Variants in OAS1 observed in about 807,000 individuals in gnomAD.
OAS1 encodes the protein 2'-5'-oligoadenylate synthetase 1.
Under a neutral mutation model 38.5 loss-of-function variants are expected in OAS1, and 24 were observed. The observed-to-expected ratio is 0.62, with a 90% CI of 0.45 to 0.88. The LOEUF (loss-of-function observed/expected upper bound fraction) is 0.88. Among genes scored for constraint, OAS1 ranks in the 40% least tolerant of loss-of-function variants. OAS1 has a pLI of 0.00. For missense variants in OAS1, 482 were observed against 493.9 expected (o/e 0.98, Z 0.23); for synonymous variants, 169 against 193.9 (o/e 0.87, Z 1.07).
rs867047761 is a variant in OAS1, at chr12:112,911,144, C to T, written c.563C>T (p.Thr188Ile). 1 of 1,614,098 alleles carries T rather than the reference C, an allele frequency of 6.2e-7. No individual in the cohort carries two copies. The highest frequency in any genetic ancestry group is 1.3e-5 in the African/African-American group (1 of 75,018). ...TDLQKEGEFS[T>I]CFTELQRDFL... ...CTGCAGAAAGAGGGCGAGTTCTCCA[C>T]CTGCTTCACAGAACTACAGAGAGAC... The change falls in exon 3 of 6, where the codon ACC (threonine) becomes ATC (isoleucine). Residue 188 changes from threonine (T) to isoleucine (I), a missense_variant. Transcript: ENST00000202917.
At chr12:112,918,043 T>A (rs2043488443) in intron 5 of OAS1, 13 of 777,416 alleles carry the variant, frequency 1.7e-5, no homozygotes, top group Middle Eastern at 5.0e-4. Flanking sequence ...GAGGCATTTT[T>A]AAAAATTTTT....
chr12:112,907,101 T>C lies in OAS1; in HGVS notation c.62T>C (p.Leu21Ser), dbSNP rs1437427169. 1.2e-6 allele frequency: 2 copies of C among 1,614,216 alleles called. No individual in the cohort carries two copies. Among genetic ancestry groups the C allele is most frequent in the Admixed American group, 1.7e-5 (1 of 60,022 alleles). ...SLDKFIEDYL[L>S]PDTCFRMQIN... The stretch of plus-strand genomic sequence containing the variant: ...GACAAGTTCATTGAAGACTATCTCT[T>C]GCCAGACACGTGTTTCCGCATGCAA... The change falls in exon 1 of 6, where the codon TTG becomes TCG. Residue 21 changes from leucine to serine, a missense_variant. Coordinates refer to ENST00000202917, the MANE Select transcript of OAS1 (RefSeq NM_016816.4).
At chr12:112,918,431 G>T in intron 5 of OAS1, 1 of 305,684 alleles carries the variant, frequency 3.3e-6, no homozygotes, top group Non-Finnish European at 6.6e-6. Context: ...TTGCTATTGT[G>T]AATCGTACTG....
chr12:112,919,981 T>A (rs2043519231), downstream of OAS1: 2 of 339,386 alleles, frequency 5.9e-6, no homozygotes, highest in East Asian at 1.1e-4. Context: ...TGTGTGTATA[T>A]ACATTGATTC....
chr12:112,909,449 A>G (rs946995744), intron 2 of OAS1, among the ~76,000 whole-genome samples: 4 of 152,330 alleles, frequency 2.6e-5, no homozygotes, highest in Middle Eastern at 3.4e-3. Flanking sequence ...GCTTGAGCCC[A>G]GGAGTTCAAG....
chr12:112,913,647 G>C (rs1039517613), intron 3 of OAS1, among the ~76,000 whole-genome samples: 4 of 152,112 alleles, frequency 2.6e-5, no homozygotes, highest in African/African-American at 9.6e-5. Context: ...ATTAATTACA[G>C]TTGCCATTTT....
At chr12:112,909,439 G>A (rs1260304234) in intron 2 of OAS1, among the ~76,000 whole-genome samples, 6 of 152,218 alleles carry the variant, frequency 3.9e-5, no homozygotes, top group Middle Eastern at 3.4e-3. Flanking sequence ...CAGGAGGGTC[G>A]CTTGAGCCCA....
chr12:112,922,207 A>ATGGTGT (rs1202488255), downstream of OAS1, among the ~76,000 whole-genome samples: 2 of 152,092 alleles, frequency 1.3e-5, no homozygotes, highest in African/African-American at 4.8e-5. Context: ...TATATATGCT[A>ATGGTGT]TGGTGTCACA....
chr12:112,916,580 AG>A lies in OAS1; in HGVS notation c.729del (p.Ser244AlafsTer2). 6.2e-7 allele frequency: 1 copy of A among 1,614,136 alleles called. No homozygotes were observed. Among genetic ancestry groups the A allele is most frequent in the East Asian group, 2.2e-5 (1 of 44,884 alleles). On this transcript the variant is annotated frameshift_variant, in exon 4 of 6. Coordinates refer to ENST00000202917, the MANE Select transcript of OAS1 (RefSeq NM_016816.4). LOFTEE classifies it high-confidence loss of function. ...ELLTVYAWER[G>X]SMKTHFNTAQ... is the part of the protein sequence containing the mutation. ...TCCTGACGGTCTATGCTTGGGAGCG[AG>A]GGAGCATGAAAACACATTTCAACAC...
At chr12:112,912,041 G>A (rs974654668) in intron 3 of OAS1, among the ~76,000 whole-genome samples, 1 of 152,222 alleles carries the variant, frequency 6.6e-6, no homozygotes, top group African/African-American at 2.4e-5. Context: ...AGTAGCAGAA[G>A]TAAAATTTGA....
intron 2 of OAS1, among the ~76,000 whole-genome samples, chr12:112,910,789 G>A (rs1346015205): frequency 6.6e-6 from 1 of 152,132 alleles, no homozygotes; most frequent in Admixed American, 6.5e-5. Context: ...CATTCTCTAG[G>A]TGCCAGGTTG....
At chr12:112,920,666 A>G (rs2043523359), downstream of OAS1, among the ~76,000 whole-genome samples, 1 of 152,226 alleles carries the variant, frequency 6.6e-6, no homozygotes, top group African/African-American at 2.4e-5. Flanking sequence ...CCAAGAATCA[A>G]CATATCATTC....
chr12:112,907,031 C>T lies in OAS1; in HGVS notation c.-9C>T, dbSNP rs1216331315. The T allele has an allele frequency of 6.2e-7, 1 of 1,614,176 alleles. No homozygotes were observed. Among genetic ancestry groups the T allele is most frequent in the Admixed American group, 1.7e-5 (1 of 60,024 alleles). ...GGAGGCAGTTCTGTTGCCACTCTCT[C>T]TCCTGTCAATGATGGATCTCAGAAA... On this transcript the variant is annotated 5_prime_UTR_variant, in exon 1 of 6. Transcript: ENST00000202917.
intron 3 of OAS1, among the ~76,000 whole-genome samples, chr12:112,913,393 T>G (rs990097147): frequency 9.2e-5 from 14 of 152,330 alleles, no homozygotes; most frequent in Admixed American, 6.5e-4. Flanking sequence ...TGGGTAGATA[T>G]CTTTAATCAG....
chr12:112,924,766 C>A (rs112642400), downstream of OAS1, among the ~76,000 whole-genome samples: 1 of 151,798 alleles, frequency 6.6e-6, no homozygotes, highest in East Asian at 1.9e-4. Context: ...TCTGTGGCCA[C>A]GGGAAATAAT....
At chr12:112,932,200 G>GA, downstream of OAS1, 1 of 332,710 alleles carries the variant, frequency 3.0e-6, no homozygotes, top group Non-Finnish European at 5.4e-6. Flanking sequence ...TAAAATTTAA[G>GA]AAAAAAATAC....
chr12:112,909,559 G>A (rs776551917), intron 2 of OAS1, among the ~76,000 whole-genome samples: 9 of 152,108 alleles, frequency 5.9e-5, no homozygotes, highest in Non-Finnish European at 7.4e-5. Context: ...TATTCAGGAC[G>A]CTGAGACTGA....
Position 112,908,575 on chromosome 12 carries a change from T to G in OAS1, c.220T>G (p.Ser74Ala), listed in dbSNP as rs1189101057. Residue 74 changes from serine (S) to alanine (A), a missense_variant, in exon 2 of 6, where the codon TCT becomes GCT. Coordinates refer to ENST00000202917, the MANE Select transcript of OAS1 (RefSeq NM_016816.4). ...SGKGTTLRGR[S>A]DADLVVFLSP... is the part of the protein sequence containing the mutation. ...CAAGGGCACCACCCTCAGAGGCCGA[T>G]CTGACGCTGACCTGGTTGTCTTCCT... The G allele has an allele frequency of 6.2e-7, 1 of 1,614,186 alleles. No individual in the cohort carries two copies. Among genetic ancestry groups the G allele is most frequent in the South Asian group, 1.1e-5 (1 of 91,074 alleles).
chr12:112,932,606 C>G (rs1490246571), downstream of OAS1: 1 of 152,424 alleles, frequency 6.6e-6, no homozygotes, highest in Admixed American at 6.5e-5. Flanking sequence ...AAAACAAAAA[C>G]AAACAAGCAA....
Sources: allele counts gnomAD v4.1 joint callset (sites outside exome capture counted in the v4.1 genomes callset), GRCh38; gene constraint gnomAD v4.1.1; transcripts MANE v1.5; gene names NCBI Gene and HGNC (gene_info 2026-07-23, HGNC 2026-07-21).